KCNIP4: variants seen among roughly 807,000 people sequenced by gnomAD.
The protein encoded by KCNIP4 is potassium voltage-gated channel interacting protein 4, also known as Kv channel-interacting protein 4.
In KCNIP4, 12 loss-of-function variants were observed where a neutral mutation model predicts 34.0. That is an observed-to-expected ratio of 0.35 (90% CI 0.23 to 0.57). The LOEUF (loss-of-function observed/expected upper bound fraction) is 0.57, where lower values mean the gene tolerates loss of function less well. Among genes scored for constraint, KCNIP4 ranks in the 20% least tolerant of loss-of-function variants. The pLI is 0.83. For missense variants in KCNIP4, 238 were observed against 311.7 expected, an observed-to-expected ratio of 0.76 and a Z score of 1.78; for synonymous variants, 124 against 102.2, an observed-to-expected ratio of 1.21 and a Z score of -1.29.
chr4:20,991,335 G>A (rs1279169715), intron 1 of KCNIP4, among the ~76,000 whole-genome samples: 1 of 152,122 alleles, frequency 6.6e-6, no homozygotes, highest in East Asian at 1.9e-4. Context: ...CTGGGAACAA[G>A]GTTAAGAGAG....
At chr4:21,015,871 A>C (rs998673238) in intron 1 of KCNIP4, among the ~76,000 whole-genome samples, 6 of 141,742 alleles carry the variant, frequency 4.2e-5, no homozygotes, top group African/African-American at 1.5e-4. Context: ...AATATATAAA[A>C]ATATATAAAT....
intron 1 of KCNIP4, among the ~76,000 whole-genome samples, chr4:21,069,011 T>G (rs1330965416): frequency 1.3e-5 from 2 of 152,196 alleles, no homozygotes; most frequent in African/African-American, 2.4e-5. Flanking sequence ...AACCTATCTG[T>G]GCCTGAGATT....
chr4:21,101,698 TA>T (rs770283202), intron 1 of KCNIP4, among the ~76,000 whole-genome samples: 5 of 152,132 alleles, frequency 3.3e-5, no homozygotes, highest in Non-Finnish European at 5.9e-5. Flanking sequence ...ATTATACACT[TA>T]AAACACGTGA....
intron 1 of KCNIP4, among the ~76,000 whole-genome samples, chr4:21,265,460 C>T (rs73111266): frequency 0.032 from 4,906 of 152,110 alleles, 296 homozygotes; most frequent in African/African-American, 0.11. Context: ...CCACTCTGGC[C>T]ACAGTATGGA....
At chr4:21,348,184 C>G (rs962634628) in intron 1 of KCNIP4, among the ~76,000 whole-genome samples, 3 of 152,090 alleles carry the variant, frequency 2.0e-5, no homozygotes, top group African/African-American at 7.2e-5. Context: ...TCCCTCTTGA[C>G]TAGGACCATA....
At chr4:21,740,944 T>C (rs1217106146) in intron 1 of KCNIP4, among the ~76,000 whole-genome samples, 1 of 152,012 alleles carries the variant, frequency 6.6e-6, no homozygotes, top group African/African-American at 2.4e-5. Context: ...ATGTGCTGAA[T>C]AAACACTGGT....
At chr4:21,714,796 TTTA>T (rs1434868722) in intron 1 of KCNIP4, among the ~76,000 whole-genome samples, 125 of 484 alleles carry the variant, frequency 0.26, 24 homozygotes, top group Middle Eastern at 1. Context: ...ATTATTTTAT[TTTA>T]TTTTATTTTA....
intron 1 of KCNIP4, among the ~76,000 whole-genome samples, chr4:20,927,434 A>G (rs1016408946): frequency 6.6e-6 from 1 of 152,234 alleles, no homozygotes; most frequent in African/African-American, 2.4e-5. Flanking sequence ...CTTAGCAGCT[A>G]TAATAGTGCA....
intron 1 of KCNIP4, among the ~76,000 whole-genome samples, chr4:20,988,367 G>C (rs922306900): frequency 6.6e-6 from 1 of 152,226 alleles, no homozygotes; most frequent in Non-Finnish European, 1.5e-5. Context: ...CTGTGAAAGA[G>C]AGAGGGTCAG....
chr4:21,152,241 A>G (rs1169087979), intron 1 of KCNIP4, among the ~76,000 whole-genome samples: 2 of 152,194 alleles, frequency 1.3e-5, no homozygotes, highest in African/African-American at 4.8e-5. Flanking sequence ...TGACAAAGCT[A>G]GACTCCGTTT....
chr4:21,713,042 T>A (rs1047546780), intron 1 of KCNIP4, among the ~76,000 whole-genome samples: 4 of 152,228 alleles, frequency 2.6e-5, no homozygotes, highest in African/African-American at 9.6e-5. Context: ...CCATCTGTGC[T>A]TTCCAGGCCA....
intron 1 of KCNIP4, among the ~76,000 whole-genome samples, chr4:21,537,102 C>T (rs1254579842): frequency 1.3e-5 from 2 of 152,160 alleles, no homozygotes; most frequent in East Asian, 3.9e-4. Context: ...TGTGGCCACA[C>T]TTTACATTCA....
intron 1 of KCNIP4, among the ~76,000 whole-genome samples, chr4:21,195,501 C>G (rs927730617): frequency 2.0e-5 from 3 of 152,144 alleles, no homozygotes; most frequent in Admixed American, 6.5e-5. Flanking sequence ...GCCCAGGTAG[C>G]TCAGATGCAC....
At chr4:21,038,702 C>T (rs1016967159) in intron 1 of KCNIP4, among the ~76,000 whole-genome samples, 5 of 152,194 alleles carry the variant, frequency 3.3e-5, no homozygotes, top group African/African-American at 1.2e-4. Flanking sequence ...ATTGGCTTTC[C>T]ATATGTGCAT....
chr4:20,950,330 CT>C (rs1732649390), intron 1 of KCNIP4, among the ~76,000 whole-genome samples: 2 of 151,962 alleles, frequency 1.3e-5, no homozygotes, highest in African/African-American at 4.8e-5. Context: ...TGCCTTTGCC[CT>C]TGACTTTGAG....
intron 1 of KCNIP4, among the ~76,000 whole-genome samples, chr4:21,773,513 G>A (rs990696413): frequency 6.6e-6 from 1 of 152,074 alleles, no homozygotes; most frequent in Non-Finnish European, 1.5e-5. Context: ...GCTGACAGTG[G>A]GGTATTAAAG....
intron 3 of KCNIP4, among the ~76,000 whole-genome samples, chr4:20,813,037 A>C (rs193020732): frequency 2.6e-5 from 4 of 152,250 alleles, no homozygotes; most frequent in Admixed American, 2.0e-4. Flanking sequence ...TGTTAAAAGT[A>C]TATGTAAGTG....
intron 1 of KCNIP4, among the ~76,000 whole-genome samples, chr4:21,750,085 T>C (rs1487581700): frequency 1.3e-5 from 2 of 152,146 alleles, no homozygotes; most frequent in African/African-American, 4.8e-5. Flanking sequence ...CTTGTGCCCA[T>C]CCTCCTCCCT....
intron 3 of KCNIP4, among the ~76,000 whole-genome samples, chr4:20,809,947 G>T (rs1715518652): frequency 6.6e-6 from 1 of 152,184 alleles, no homozygotes; most frequent in Non-Finnish European, 1.5e-5. Context: ...CAAGCATGCT[G>T]TTTAGGGCAG....
Sources: gnomAD v4.1 joint callset for allele counts (sites outside exome capture counted in the v4.1 genomes callset) on GRCh38, gnomAD v4.1.1 for gene constraint, MANE v1.5 for transcripts, NCBI Gene and HGNC (gene_info 2026-07-23, HGNC 2026-07-21) for gene names.